The following NCBP1 variants were observed in gnomAD, a reference collection of about 807,000 sequenced individuals.
The protein encoded by NCBP1 is nuclear cap binding protein subunit 1, also known as nuclear cap-binding protein subunit 1.
A neutral mutation model predicts 111.7 loss-of-function variants in NCBP1; 16 were observed. That is an observed-to-expected ratio of 0.14 (90% CI 0.10 to 0.22). NCBP1 has a LOEUF of 0.22. NCBP1 is among the 10% of genes least tolerant of loss of function. The pLI, the probability that NCBP1 is intolerant of heterozygous loss-of-function variation, is 1.00. For synonymous variants in NCBP1, 304 were observed against 314.3 expected (o/e 0.97, Z 0.35); for missense variants, 607 against 957.5 (o/e 0.63, Z 4.83).
At chr9:97,658,514 C>T in intron 14 of NCBP1, 126 bp from the exon 15 acceptor site, 43 of 694,502 alleles carry the variant, frequency 6.2e-5, no homozygotes, top group Middle Eastern at 5.1e-4. Context: ...TTTTTTTTTC[C>T]CTTTCACTTC....
intron 18 of NCBP1, among the ~76,000 whole-genome samples, chr9:97,664,134 G>T (rs544494022): frequency 3.3e-5 from 5 of 151,970 alleles, no homozygotes; most frequent in Non-Finnish European, 7.4e-5. Context: ...AGCTGAGATC[G>T]TGCCACTCCA....
chr9:97,641,508 A>G (rs1827204078), intron 2 of NCBP1, 54 bp from the exon 3 acceptor site: 2 of 1,331,242 alleles, frequency 1.5e-6, no homozygotes, highest in Non-Finnish European at 9.9e-7. Context: ...ATTTTTAAAA[A>G]TAAATTTATG....
At chr9:97,635,207 C>T (rs1826974459) in intron 1 of NCBP1, among the ~76,000 whole-genome samples, 1 of 152,178 alleles carries the variant, frequency 6.6e-6, no homozygotes, top group South Asian at 2.1e-4. Flanking sequence ...GTCCAGCTTT[C>T]TATCTGACAC....
At chr9:97,634,128 C>G (rs1158373785) in intron 1 of NCBP1, among the ~76,000 whole-genome samples, 1 of 152,244 alleles carries the variant, frequency 6.6e-6, no homozygotes, top group Non-Finnish European at 1.5e-5. Flanking sequence ...AAGGGCCGAT[C>G]CTCGGGAAAG....
chr9:97,659,957 C>G (rs1024442662), intron 15 of NCBP1, among the ~76,000 whole-genome samples: 4 of 152,114 alleles, frequency 2.6e-5, no homozygotes, highest in African/African-American at 9.7e-5. Flanking sequence ...TGCCATTACC[C>G]CAGTCTGGAA....
At chr9:97,661,160 ATATATC>A in intron 16 of NCBP1, 92 bp downstream of exon 16, 5 of 1,503,338 alleles carry the variant, frequency 3.3e-6, no homozygotes, top group Non-Finnish European at 4.5e-6. Context: ...TCTTAAAGCA[ATATATC>A]TATATCTGTT....
At chr9:97,647,397 T>C in intron 6 of NCBP1, 95 bp from the exon 7 acceptor site, 1 of 946,106 alleles carries the variant, frequency 1.1e-6, no homozygotes, top group Non-Finnish European at 1.7e-6. Flanking sequence ...AAAATGTTAT[T>C]TCATTGCTTT....
Position 97,656,033 on chromosome 9 carries a change from C to G in NCBP1, c.1321C>G (p.Pro441Ala). 6.2e-7 allele frequency: 1 copy of G among 1,613,994 alleles called. No individual in the cohort carries two copies. The highest frequency in any genetic ancestry group is 8.5e-7 in the Non-Finnish European group (1 of 1,179,920). ...EDWSDCLSQD[P>A]ESPKPKFVRE... The stretch of plus-strand genomic sequence containing the variant: ...TAGGTCAGATTGTCTTAGTCAAGAT[C>G]CTGAAAGTCCCAAACCGAAGTTTGT... The change falls in exon 14 of 23, where the codon CCT becomes GCT. Residue 441 changes from proline (P) to alanine (A), a missense_variant. Physicochemically the swap from Pro to Ala is conservative, Grantham distance 27 (BLOSUM62 -1). This residue lies in a region of NCBP1 where 282 missense variants were observed against 376.5 expected (regional missense o/e 0.75). Transcript: ENST00000375147.
chr9:97,661,732 GT>G (rs34390822), intron 16 of NCBP1, among the ~76,000 whole-genome samples: 2,791 of 113,022 alleles, frequency 0.025, 49 homozygotes, highest in East Asian at 0.12. Context: ...AAGCTTAAGT[GT>G]TTTTTTTTTT....
Position 97,669,068 on chromosome 9 carries a change from A to G in NCBP1, c.2145+94A>G, listed in dbSNP as rs986167088. 3 of 1,355,092 alleles carry G rather than the reference A, an allele frequency of 2.2e-6. No individual in the cohort carries two copies. The Admixed American group carries it at 7.0e-5, about 32-fold the overall frequency. The allele number at this position is 1,355,092 out of a possible 1,614,324, so 83.9% of individuals were successfully genotyped here. On this transcript the variant is annotated intron_variant, in intron 21 of 22. Coordinates refer to ENST00000375147, the MANE Select transcript of NCBP1 (RefSeq NM_002486.5). ...TGTTATTTTTCATTGTAAAAGGAAT[A>G]CACATTCATTTATAGAAGAGATTAA... is the stretch of plus-strand genomic sequence containing the variant.
In NCBP1 at chr9:97,673,358, A is replaced by G. The variant is rs761778277; in HGVS notation, c.*2159A>G. On this transcript the variant is annotated 3_prime_UTR_variant, in exon 23 of 23. Transcript: ENST00000375147. ...AAAACCAAAGGATAACCTTTAAGGG[A>G]TTGGTAACTTTGACTCAAAACTGCT... 3.3e-5 allele frequency: 5 copies of G among 152,182 alleles called. No individual in the cohort carries two copies. The highest frequency in any genetic ancestry group is 1.2e-4 in the African/African-American group (5 of 41,448). The allele number at this position is 152,182 out of a possible 1,614,324, so 9.4% of individuals were successfully genotyped here.
At chr9:97,644,069 A>G (rs910409189) in intron 4 of NCBP1, among the ~76,000 whole-genome samples, 62 of 152,194 alleles carry the variant, frequency 4.1e-4, no homozygotes, top group African/African-American at 1.4e-3. Context: ...ACTCTTATTT[A>G]TCTTAAGTGG....
Position 97,671,837 on chromosome 9 carries a change from T to G in NCBP1, c.*638T>G, listed in dbSNP as rs1393375198. The G allele has an allele frequency of 6.6e-6, 1 of 152,234 alleles. No individual in the cohort carries two copies. The highest frequency in any genetic ancestry group is 1.5e-5 in the Non-Finnish European group (1 of 68,040). 9.4% of individuals were successfully genotyped at this position (152,234 alleles called of 1,614,324 possible). A position where few individuals can be genotyped will look rare whatever the true frequency, so the allele number is the denominator to read the frequency against. ...TAAATCACCTGGGAATCTTTCAAGT[T>G]ATTTTGAAATTTAAACCACCGTCTG... On this transcript the variant is annotated 3_prime_UTR_variant, in exon 23 of 23. Transcript: ENST00000375147.
rs1827565216 is a variant in NCBP1 at position 97,653,840 on chromosome 9, A to G, written c.1102A>G (p.Ile368Val). ...ELFQLPAPPHIDVMYTTLLIE... is the reference protein window; with the variant it reads ...ELFQLPAPPHVDVMYTTLLIE... ...GTTTCAACTTCCAGCACCCCCTCACATTGATGTGATGTACACAACACTCCT... is the reference window on the plus strand; with the variant it reads ...GTTTCAACTTCCAGCACCCCCTCACGTTGATGTGATGTACACAACACTCCT... Residue 368 changes from isoleucine to valine, a missense_variant, in exon 11 of 23, where the codon ATT becomes GTT. Ile to Val is a conservative substitution (Grantham distance 29). Transcript: ENST00000375147. 1 of 1,614,056 alleles carries G rather than the reference A, an allele frequency of 6.2e-7. No homozygotes were observed. The highest frequency in any genetic ancestry group is 1.3e-5 in the African/African-American group (1 of 75,042).
intron 11 of NCBP1, among the ~76,000 whole-genome samples, chr9:97,654,410 G>T (rs914254279): frequency 6.6e-6 from 1 of 152,016 alleles, no homozygotes; most frequent in African/African-American, 2.4e-5. Context: ...ATTTTTTAAA[G>T]TTTTATTATG....
At chr9:97,641,287 C>T (rs563240564) in intron 2 of NCBP1, among the ~76,000 whole-genome samples, 8 of 152,104 alleles carry the variant, frequency 5.3e-5, no homozygotes, top group African/African-American at 1.4e-4. Flanking sequence ...AAATTTCACT[C>T]GTCCACTTTT....
intron 18 of NCBP1, among the ~76,000 whole-genome samples, chr9:97,663,555 G>T (rs1384740290): frequency 6.6e-6 from 1 of 151,976 alleles, no homozygotes; most frequent in African/African-American, 2.4e-5. Context: ...CGCAATCTTG[G>T]CTCACTGCAA....
At chr9:97,647,269 CAA>C (rs1827368707) in intron 6 of NCBP1, among the ~76,000 whole-genome samples, 1 of 152,100 alleles carries the variant, frequency 6.6e-6, no homozygotes, top group Admixed American at 6.6e-5. Flanking sequence ...TATACTTTCC[CAA>C]AGAGATTATA....
intron 11 of NCBP1, among the ~76,000 whole-genome samples, chr9:97,654,300 G>A (rs1481192459): frequency 1.3e-5 from 2 of 152,128 alleles, no homozygotes; most frequent in Admixed American, 6.5e-5. Context: ...AAGTTTCTAT[G>A]ATATTCTAAA....
Sources: allele counts gnomAD v4.1 joint callset (sites outside exome capture counted in the v4.1 genomes callset), GRCh38; gene constraint gnomAD v4.1.1; regional missense constraint gnomAD v4.1.1; transcripts MANE v1.5; gene names NCBI Gene and HGNC (gene_info 2026-07-23, HGNC 2026-07-21).